The following ZFHX3 variants were observed in gnomAD, a reference collection of about 807,000 sequenced individuals.
The protein encoded by ZFHX3 is zinc finger homeobox 3.
In ZFHX3, 42 loss-of-function variants were observed where a neutral mutation model predicts 279.1. That is an observed-to-expected ratio of 0.15 (90% confidence interval 0.12 to 0.19). The LOEUF (loss-of-function observed/expected upper bound fraction) is 0.19. Among genes scored for constraint, ZFHX3 ranks in the 10% least tolerant of loss-of-function variants. ZFHX3 has a pLI of 1.00. For missense variants in ZFHX3, 4,981 were observed against 4,754.0 expected, an observed-to-expected ratio of 1.05 and a Z score of -1.40; for synonymous variants, 2,293 against 1,957.8, an observed-to-expected ratio of 1.17 and a Z score of -4.52.
chr16:72,797,271 C>T lies in ZFHX3; in HGVS notation c.5411G>A (p.Ser1804Asn), dbSNP rs765469239. ...QHLLFPFYIP[S>N]AEFQLNPEVS... ...CTCGGGGTTAAGCTGGAACTCAGCA[C>T]TGGGGATGTAGAAAGGGAAGAGGAG... The change falls in exon 9 of 10, where the codon AGT (serine) becomes AAT (asparagine). Residue 1804 changes from serine to asparagine, a missense_variant. Around this residue, in one of 7 missense-constraint regions of ZFHX3, gnomAD observed 1,751 missense variants for 1,770.0 expected, o/e 0.99. Transcript: ENST00000268489. 3.1e-6 allele frequency: 5 copies of T among 1,611,776 alleles called. No homozygotes were observed. Among genetic ancestry groups the T allele is most frequent in the Non-Finnish European group, 4.2e-6 (5 of 1,178,554 alleles).
intron 1 of ZFHX3, among the ~76,000 whole-genome samples, chr16:73,726,277 G>A (rs1400117241): frequency 6.6e-6 from 1 of 152,030 alleles, no homozygotes; most frequent in Non-Finnish European, 1.5e-5. Flanking sequence ...CAAAGTGCGA[G>A]TCTCCTGAAA....
At chr16:73,029,682 G>A (rs1192324703) in intron 1 of ZFHX3, among the ~76,000 whole-genome samples, 1 of 152,184 alleles carries the variant, frequency 6.6e-6, no homozygotes, top group Non-Finnish European at 1.5e-5. Context: ...CAAGGCCATC[G>A]CCCAAGTGGG....
chr16:73,508,138 T>C (rs560539978), intron 2 of ZFHX3, among the ~76,000 whole-genome samples: 37 of 152,292 alleles, frequency 2.4e-4, no homozygotes, highest in African/African-American at 8.7e-4. Flanking sequence ...ACAGAGAGGT[T>C]AGTGAATTTG....
intron 3 of ZFHX3, among the ~76,000 whole-genome samples, chr16:72,938,457 G>A (rs1344710641): frequency 6.6e-6 from 1 of 152,226 alleles, no homozygotes; most frequent in Non-Finnish European, 1.5e-5. Flanking sequence ...ACTCCAAGAG[G>A]AAGAAAGCAC....
chr16:73,521,494 G>T (rs1049145049), intron 2 of ZFHX3, among the ~76,000 whole-genome samples: 1 of 152,024 alleles, frequency 6.6e-6, no homozygotes, highest in Non-Finnish European at 1.5e-5. Context: ...CAGACAGGGC[G>T]GGCAGGGTAG....
intron 3 of ZFHX3, among the ~76,000 whole-genome samples, chr16:73,330,628 G>C (rs1188662696): frequency 6.6e-6 from 1 of 152,210 alleles, no homozygotes; most frequent in Non-Finnish European, 1.5e-5. Flanking sequence ...CTTCTAGGCT[G>C]ATGGGTGGAT....
At chr16:73,482,515 T>C (rs2018887820) in intron 2 of ZFHX3, among the ~76,000 whole-genome samples, 1 of 152,114 alleles carries the variant, frequency 6.6e-6, no homozygotes, top group Non-Finnish European at 1.5e-5. Context: ...CTCCAAAGCA[T>C]CTTGCATTTG....
chr16:73,754,586 T>C (rs1208975757), intron 1 of ZFHX3, among the ~76,000 whole-genome samples: 1 of 152,176 alleles, frequency 6.6e-6, no homozygotes, highest in African/African-American at 2.4e-5. Flanking sequence ...GACAGAGGTA[T>C]CCTAGTAAAC....
At chr16:73,426,617 G>A (rs147234679) in intron 3 of ZFHX3, among the ~76,000 whole-genome samples, 14 of 152,114 alleles carry the variant, frequency 9.2e-5, no homozygotes, top group African/African-American at 2.7e-4. Context: ...CCATTCATGC[G>A]TACGTGCACT....
chr16:72,788,368 A>G lies in ZFHX3; in HGVS notation c.9908T>C (p.Leu3303Pro), dbSNP rs2143300948. Residue 3303 changes from leucine to proline, a missense_variant, in exon 10 of 10, where the codon CTC (leucine) becomes CCC (proline). Coordinates refer to ENST00000268489, the MANE Select transcript of ZFHX3 (RefSeq NM_006885.4). The stretch of plus-strand genomic sequence containing the variant: ...AAAGTAAGGAAGGAACTGGCTTGTG[A>G]GCAATGCTGTGGGGTCCGAAGTCAA... ...AALTSDPTALLTSQFLPYFVP... is the reference protein window; with the variant it reads ...AALTSDPTALPTSQFLPYFVP... 1 of 1,614,112 alleles carries G rather than the reference A, an allele frequency of 6.2e-7. No individual in the cohort carries two copies. Among genetic ancestry groups the G allele is most frequent in the Non-Finnish European group, 8.5e-7 (1 of 1,180,012 alleles).
chr16:73,125,453 C>T (rs1966553629), intron 7 of ZFHX3: 2 of 151,854 alleles, frequency 1.3e-5, no homozygotes, highest in South Asian at 4.2e-4. Context: ...AATATTGATC[C>T]TGGGTGTGTC....
intron 3 of ZFHX3, among the ~76,000 whole-genome samples, chr16:72,936,409 A>G (rs1168346069): frequency 1.3e-5 from 2 of 152,246 alleles, no homozygotes; most frequent in African/African-American, 4.8e-5. Context: ...TAAATTAATG[A>G]ACAGACAAGA....
At chr16:73,718,425 A>T (rs897932218) in intron 1 of ZFHX3, among the ~76,000 whole-genome samples, 2 of 151,770 alleles carry the variant, frequency 1.3e-5, no homozygotes, top group Non-Finnish European at 2.9e-5. Flanking sequence ...AATAAAACTA[A>T]ATAAAAACAA....
chr16:73,459,246 G>C (rs1010669421), intron 2 of ZFHX3, among the ~76,000 whole-genome samples: 10 of 152,214 alleles, frequency 6.6e-5, no homozygotes, highest in Admixed American at 3.3e-4. Flanking sequence ...ACACAATACA[G>C]AGGTAAATGT....
intron 2 of ZFHX3, among the ~76,000 whole-genome samples, chr16:73,546,358 G>A (rs767664702): frequency 6.6e-6 from 1 of 152,102 alleles, no homozygotes; most frequent in Non-Finnish European, 1.5e-5. Context: ...GTAGGACCGG[G>A]TATGAGAAAT....
At chr16:73,482,685 C>G (rs1204606091) in intron 2 of ZFHX3, among the ~76,000 whole-genome samples, 4 of 152,188 alleles carry the variant, frequency 2.6e-5, no homozygotes, top group African/African-American at 9.7e-5. Context: ...TTTCAAATTT[C>G]AATGCCATTT....
At chr16:73,444,237 C>T (rs1266455229) in intron 3 of ZFHX3, among the ~76,000 whole-genome samples, 1 of 152,194 alleles carries the variant, frequency 6.6e-6, no homozygotes, top group African/African-American at 2.4e-5. Flanking sequence ...CTGCTGTTCC[C>T]TCTGCCATGA....
chr16:73,370,481 G>T (rs1001476217), intron 3 of ZFHX3, among the ~76,000 whole-genome samples: 1 of 152,190 alleles, frequency 6.6e-6, no homozygotes, highest in African/African-American at 2.4e-5. Context: ...CATTAATGGG[G>T]TGTCATTTGG....
intron 1 of ZFHX3, among the ~76,000 whole-genome samples, chr16:73,801,174 AT>A (rs1383038866): frequency 1.3e-5 from 2 of 152,138 alleles, no homozygotes; most frequent in African/African-American, 4.8e-5. Context: ...TTAAAAAGGG[AT>A]TTGTTTATTT....
Sources: allele counts gnomAD v4.1 joint callset (sites outside exome capture counted in the v4.1 genomes callset), GRCh38; gene constraint gnomAD v4.1.1; regional missense constraint gnomAD v4.1.1; transcripts MANE v1.5; gene names NCBI Gene and HGNC (gene_info 2026-07-23, HGNC 2026-07-21).